The following ZNF684 variants were observed in gnomAD, a reference collection of about 807,000 sequenced individuals.
ZNF684 encodes the protein zinc finger protein 684, also known as hypothetical protein MGC27466.
A neutral mutation model predicts 12.8 loss-of-function variants in ZNF684; 13 were observed. The ratio of observed to expected loss-of-function variants is 1.02; its 90% CI spans 0.66 to 1.62. The LOEUF is 1.62. Among genes scored for constraint, ZNF684 ranks in the 40% most tolerant of loss-of-function variants. The pLI, the probability that ZNF684 is intolerant of heterozygous loss-of-function variation, is 0.00. For synonymous variants in ZNF684, 118 were observed against 151.8 expected (o/e 0.78, Z 1.64); for missense variants, 384 against 446.9 (o/e 0.86, Z 1.27).
At position 40,537,786 on chromosome 1, in the gene ZNF684, G is replaced by A. The variant is rs571878972; in HGVS notation, c.16-2800G>A. ...TTGTATACAATTCAGTGGTTTTTTA[G>A]TGTATTCACAGAGTTGTACAGCCAT... On this transcript the variant is annotated intron_variant, in intron 2 of 4. Coordinates refer to ENST00000372699, the MANE Select transcript of ZNF684 (RefSeq NM_152373.4). 1.2e-3 allele frequency among the ~76,000 whole-genome samples: 179 copies of A among 152,020 alleles called. 1 individual carries two copies. The South Asian group carries it at 0.019, about 16-fold the overall frequency.
chr1:40,533,112 TC>T, intron 1 of ZNF684, 30 bp from the exon 2 acceptor site: 3 of 1,596,508 alleles, frequency 1.9e-6, no homozygotes, highest in Middle Eastern at 3.3e-4. Flanking sequence ...CTCAGGTCTT[TC>T]TATTCTCTTC....
Position 40,540,682 on chromosome 1 carries a change from T to C in ZNF684, c.112T>C (p.Leu38=). 6.2e-7 allele frequency: 1 copy of C among 1,611,546 alleles called. No homozygotes were observed. Among genetic ancestry groups the C allele is most frequent in the African/African-American group, 1.3e-5 (1 of 74,844 alleles). Reference sequence around the variant, plus strand: ...GAGAACCCTGTATTGGGATGTGATGTTGGAGAACTATAGAAACCTCATCTC... The same window carrying C: ...GAGAACCCTGTATTGGGATGTGATGCTGGAGAACTATAGAAACCTCATCTC... ...AERTLYWDVM[L]ENYRNLISVG... is the part of the protein sequence containing the mutation. The change falls in exon 3 of 5, where the codon TTG becomes CTG. Residue 38 remains leucine (L), a synonymous_variant. Transcript: ENST00000372699.
At chr1:40,540,076 GC>G (rs1215207063) in intron 2 of ZNF684, among the ~76,000 whole-genome samples, 1 of 151,898 alleles carries the variant, frequency 6.6e-6, no homozygotes, top group East Asian at 1.9e-4. Flanking sequence ...CACATTCTTG[GC>G]AGTGTCCTAT....
In ZNF684 at chr1:40,547,154, G is replaced by A. The variant is rs762232363; in HGVS notation, c.831G>A (p.Gly277=). ...AGTCATTTGAATGTAAGGAATGTGG[G>A]AAAACCTTCAGGTATAGTTCATCCC... ...LEKSFECKEC[G]KTFRYSSSLY... is the part of the protein sequence containing the mutation. The change falls in exon 5 of 5, where the codon GGG becomes GGA. Residue 277 remains glycine, a synonymous_variant. Coordinates refer to ENST00000372699, the MANE Select transcript of ZNF684 (RefSeq NM_152373.4). 6.2e-7 allele frequency: 1 copy of A among 1,614,192 alleles called. No individual in the cohort carries two copies. The highest frequency in any genetic ancestry group is 8.5e-7 in the Non-Finnish European group (1 of 1,180,038).
At position 40,546,989 on chromosome 1, in the gene ZNF684, G is replaced by A. The variant is rs2124513595; in HGVS notation, c.666G>A (p.Lys222=). 6.2e-7 allele frequency: 1 copy of A among 1,614,102 alleles called. No individual in the cohort carries two copies. Among genetic ancestry groups the A allele is most frequent in the Non-Finnish European group, 8.5e-7 (1 of 1,179,956 alleles). ...ERPFVCNDCG[K]AFMHKAQLVV... ...CCTTTGTGTGCAATGATTGTGGGAAGGCGTTTATGCATAAAGCCCAACTCG... is the reference window on the plus strand; with the variant it reads ...CCTTTGTGTGCAATGATTGTGGGAAAGCGTTTATGCATAAAGCCCAACTCG... Residue 222 remains lysine (K), a synonymous_variant, in exon 5 of 5, where the codon AAG becomes AAA. Transcript: ENST00000372699.
At chr1:40,546,324 C>A (rs1646047278) in intron 4 of ZNF684, among the ~76,000 whole-genome samples, 1 of 152,196 alleles carries the variant, frequency 6.6e-6, no homozygotes, top group African/African-American at 2.4e-5. Context: ...AGCCTTTTGA[C>A]TTCCTTCGTA....
chr1:40,547,665 G>T lies in ZNF684; in HGVS notation c.*205G>T, dbSNP rs1056643343. The T allele has an allele frequency of 7.3e-6, 3 of 408,694 alleles. No homozygotes were observed. Among genetic ancestry groups the T allele is most frequent in the Non-Finnish European group, 1.3e-5 (3 of 238,410 alleles). 25.3% of individuals were successfully genotyped at this position (408,694 alleles called of 1,614,324 possible). A position where few individuals can be genotyped will look rare whatever the true frequency, so the allele number is the denominator to read the frequency against. ...ACAGAAAACAACTATAAATAATAGA[G>T]CATAAAGCTTGGAAAGTAAGCATAA... On this transcript the variant is annotated 3_prime_UTR_variant, in exon 5 of 5. Coordinates refer to ENST00000372699, the MANE Select transcript of ZNF684 (RefSeq NM_152373.4).
intron 4 of ZNF684, among the ~76,000 whole-genome samples, chr1:40,545,520 A>C (rs956267099): frequency 1.3e-5 from 2 of 152,182 alleles, no homozygotes; most frequent in Non-Finnish European, 2.9e-5. Context: ...AATAATAGCA[A>C]ATAGACAGAA....
chr1:40,536,415 A>G (rs1435888411), intron 2 of ZNF684, among the ~76,000 whole-genome samples: 1 of 151,650 alleles, frequency 6.6e-6, no homozygotes, highest in Non-Finnish European at 1.5e-5. Flanking sequence ...AAAAAGAAAA[A>G]AAAAAGGACA....
intron 4 of ZNF684, among the ~76,000 whole-genome samples, chr1:40,543,731 C>CG (rs1430084577): frequency 2.6e-5 from 4 of 152,240 alleles, no homozygotes; most frequent in African/African-American, 9.6e-5. Context: ...GCTGGGATTA[C>CG]AGGCGTGAGC....
At chr1:40,542,228 A>C (rs894880142) in intron 4 of ZNF684, among the ~76,000 whole-genome samples, 2 of 152,226 alleles carry the variant, frequency 1.3e-5, no homozygotes, top group African/African-American at 4.8e-5. Context: ...AAACACTTCA[A>C]ATAGTTGGCA....
chr1:40,541,924 C>G (rs1484076945), intron 4 of ZNF684, among the ~76,000 whole-genome samples: 1 of 152,180 alleles, frequency 6.6e-6, no homozygotes, highest in East Asian at 1.9e-4. Flanking sequence ...GAGGGTTGTC[C>G]CTCTCCTGTC....
intron 4 of ZNF684, among the ~76,000 whole-genome samples, chr1:40,542,900 T>G (rs998574589): frequency 3.9e-5 from 6 of 152,214 alleles, no homozygotes; most frequent in Non-Finnish European, 7.3e-5. Context: ...TTCTGCAGAG[T>G]TCACAAAAGA....
Position 40,547,473 on chromosome 1 carries a change from G to T in ZNF684, c.*13G>T. ...AATTCATACATAATATTCACTTTAT[G>T]AATATGAGAAGGCCTTATTAAATAT... On this transcript the variant is annotated 3_prime_UTR_variant, in exon 5 of 5. Transcript: ENST00000372699. The T allele has an allele frequency of 1.9e-6, 3 of 1,574,228 alleles. No individual in the cohort carries two copies. Among genetic ancestry groups the T allele is most frequent in the African/African-American group, 2.7e-5 (2 of 73,586 alleles).
At chr1:40,537,515 G>A (rs562093520) in intron 2 of ZNF684, among the ~76,000 whole-genome samples, 9 of 152,226 alleles carry the variant, frequency 5.9e-5, no homozygotes, top group East Asian at 1.9e-4. Context: ...CAAGGTGGGC[G>A]GATCACTTGA....
In ZNF684 at chr1:40,548,157, T is replaced by G. The variant is rs1040132862; in HGVS notation, c.*697T>G. The stretch of plus-strand genomic sequence containing the variant: ...TATTTAAATATGTAAATAAATAATT[T>G]GCACTTCAAATATTTCTGTTTTGCT... On this transcript the variant is annotated 3_prime_UTR_variant, in exon 5 of 5. Transcript: ENST00000372699. 2.6e-5 allele frequency: 4 copies of G among 152,242 alleles called. No homozygotes were observed. The highest frequency in any genetic ancestry group is 5.9e-5 in the Non-Finnish European group (4 of 68,052). 9.4% of individuals were successfully genotyped at this position (152,242 alleles called of 1,614,324 possible). A position where few individuals can be genotyped will look rare whatever the true frequency, so the allele number is the denominator to read the frequency against.
chr1:40,546,555 T>C lies in ZNF684; in HGVS notation c.239-7T>C. 1 of 1,531,298 alleles carries C rather than the reference T, an allele frequency of 6.5e-7. No homozygotes were observed. Among genetic ancestry groups the C allele is most frequent in the Non-Finnish European group, 8.7e-7 (1 of 1,145,642 alleles). The allele number at this position is 1,531,298 out of a possible 1,614,324, so 94.9% of individuals were successfully genotyped here. On this transcript the variant is annotated splice_polypyrimidine_tract_variant and splice_region_variant and intron_variant, in intron 4 of 4. Transcript: ENST00000372699. Reference sequence around the variant, plus strand: ...AACTAGGAATGTTTTGTTGTACTCCTTTTTAGAATCTGACTACCCACTTGT... The same window carrying C: ...AACTAGGAATGTTTTGTTGTACTCCCTTTTAGAATCTGACTACCCACTTGT...
chr1:40,547,408 A>G lies in ZNF684; in HGVS notation c.1085A>G (p.Lys362Arg), dbSNP rs1238767970. Residue 362 changes from lysine to arginine, a missense_variant, in exon 5 of 5, where the codon AAA becomes AGA. Physicochemically the swap from Lys to Arg is conservative, Grantham distance 26. Transcript: ENST00000372699. ...EKPYECNRCGKAFSQKSNLIV... is the reference protein window; with the variant it reads ...EKPYECNRCGRAFSQKSNLIV... ...CCCTATGAATGTAACAGATGTGGGA[A>G]AGCATTTTCCCAGAAGTCAAATCTT... 5 of 1,612,286 alleles carry G rather than the reference A, an allele frequency of 3.1e-6. No individual in the cohort carries two copies. Among genetic ancestry groups the G allele is most frequent in the Non-Finnish European group, 4.2e-6 (5 of 1,178,902 alleles).
At chr1:40,536,127 C>T (rs576000542) in intron 2 of ZNF684, among the ~76,000 whole-genome samples, 1 of 152,268 alleles carries the variant, frequency 6.6e-6, no homozygotes, top group South Asian at 2.1e-4. Context: ...GGTGCAGTGG[C>T]TCACGCCTGT....
Sources: gnomAD v4.1 joint callset for allele counts (sites outside exome capture counted in the v4.1 genomes callset) on GRCh38, gnomAD v4.1.1 for gene constraint, MANE v1.5 for transcripts, NCBI Gene and HGNC (gene_info 2026-07-23, HGNC 2026-07-21) for gene names.